APBA2: variants seen among roughly 807,000 people sequenced by gnomAD.
APBA2 encodes the protein amyloid beta precursor protein binding family A member 2, also known as amyloid-beta A4 precursor protein-binding family A member 2.
Under a neutral mutation model 75.0 loss-of-function variants are expected in APBA2, and 30 were observed. The ratio of observed to expected loss-of-function variants is 0.40; its 90% confidence interval spans 0.30 to 0.54. APBA2 has a LOEUF of 0.54. Ranked by LOEUF, APBA2 falls within the 20% of genes least tolerant of loss-of-function variation. APBA2 has a pLI of 0.49. For synonymous variants in APBA2, 444 were observed against 409.6 expected (o/e 1.08, Z -1.01); for missense variants, 801 against 1,016.1 (o/e 0.79, Z 2.88).
chr15:28,914,187 G>C (rs2033562136), intron 1 of APBA2, among the ~76,000 whole-genome samples: 1 of 152,198 alleles, frequency 6.6e-6, no homozygotes, highest in Non-Finnish European at 1.5e-5. Context: ...GCAGTTGAGA[G>C]AGGAGAGGGG....
intron 9 of APBA2, 111 bp downstream of exon 9, chr15:29,098,687 GC>G: frequency 1.1e-6 from 1 of 933,802 alleles, no homozygotes; most frequent in Non-Finnish European, 1.7e-6. Flanking sequence ...TGCTCTCTGC[GC>G]CCATCAACCC....
chr15:29,085,211 C>T (rs777089378), intron 6 of APBA2, among the ~76,000 whole-genome samples: 17 of 152,146 alleles, frequency 1.1e-4, no homozygotes, highest in Admixed American at 2.6e-4. Flanking sequence ...TTGATTTCTT[C>T]TCTTTTTTGA....
intron 3 of APBA2, among the ~76,000 whole-genome samples, chr15:29,037,880 C>G (rs1298689891): frequency 1.3e-5 from 2 of 152,122 alleles, no homozygotes; most frequent in African/African-American, 4.8e-5. Flanking sequence ...GAGCCCTCTC[C>G]CTGGGTAATG....
intron 3 of APBA2, among the ~76,000 whole-genome samples, chr15:29,002,365 G>T (rs2038893523): frequency 1.3e-5 from 2 of 152,134 alleles, no homozygotes; most frequent in Admixed American, 6.5e-5. Context: ...ATACAGTCTA[G>T]GGCTGCTGTG....
chr15:29,067,680 C>A (rs1181067182), intron 4 of APBA2, among the ~76,000 whole-genome samples: 1 of 152,210 alleles, frequency 6.6e-6, no homozygotes, highest in Non-Finnish European at 1.5e-5. Context: ...GCCATCCTCT[C>A]GCCTTTTCCA....
chr15:29,082,233 T>C (rs2152934010), intron 6 of APBA2, among the ~76,000 whole-genome samples: 1 of 152,360 alleles, frequency 6.6e-6, no homozygotes, highest in African/African-American at 2.4e-5. Context: ...CCCAGCTTTA[T>C]TGGCGTATAA....
At chr15:29,097,495 G>T (rs1008509969) in intron 8 of APBA2, among the ~76,000 whole-genome samples, 1 of 152,222 alleles carries the variant, frequency 6.6e-6, no homozygotes, top group Non-Finnish European at 1.5e-5. Context: ...TGGACTCTGG[G>T]TAATTGTTAA....
intron 2 of APBA2, among the ~76,000 whole-genome samples, chr15:28,947,045 C>A (rs527659732): frequency 6.6e-6 from 1 of 152,214 alleles, no homozygotes; most frequent in Non-Finnish European, 1.5e-5. Context: ...TCTCCCATCA[C>A]GGGGCTCTCA....
At chr15:29,013,618 C>A (rs1243803200) in intron 3 of APBA2, among the ~76,000 whole-genome samples, 1 of 148,224 alleles carries the variant, frequency 6.7e-6, no homozygotes, top group Non-Finnish European at 1.5e-5. Flanking sequence ...TCATTTATGC[C>A]CTTAGTCACA....
At chr15:28,948,212 G>A (rs1386203355) in intron 2 of APBA2, among the ~76,000 whole-genome samples, 4 of 152,186 alleles carry the variant, frequency 2.6e-5, no homozygotes, top group African/African-American at 9.7e-5. Flanking sequence ...CAGAGGTTCA[G>A]GGTTTGCTGG....
At chr15:28,999,217 A>G (rs1290631776) in intron 3 of APBA2, among the ~76,000 whole-genome samples, 2 of 152,072 alleles carry the variant, frequency 1.3e-5, no homozygotes, top group Non-Finnish European at 2.9e-5. Flanking sequence ...GATTTTTTCT[A>G]TCTGCTCTTG....
intron 2 of APBA2, among the ~76,000 whole-genome samples, chr15:28,962,455 G>T (rs554000558): frequency 8.2e-4 from 125 of 152,072 alleles, no homozygotes; most frequent in Non-Finnish European, 1.4e-3. Context: ...TGTAGTCCCA[G>T]CTACTCAGGA....
At chr15:28,944,630 G>A (rs111450910) in intron 2 of APBA2, among the ~76,000 whole-genome samples, 73 of 152,348 alleles carry the variant, frequency 4.8e-4, no homozygotes, top group African/African-American at 1.5e-3. Flanking sequence ...ATAACCTGGT[G>A]TGCTGCTCGG....
At chr15:28,989,946 A>C (rs58864893) in intron 2 of APBA2, among the ~76,000 whole-genome samples, 13,463 of 152,230 alleles carry the variant, frequency 0.088, 789 homozygotes, top group East Asian at 0.27. Flanking sequence ...CAAAGCCAGG[A>C]AGGAATTGCA....
chr15:29,098,531 C>T lies in APBA2; in HGVS notation c.1293C>T (p.Leu431=), dbSNP rs775466334. The T allele has an allele frequency of 6.8e-6, 11 of 1,614,048 alleles. No individual in the cohort carries two copies. Among genetic ancestry groups the T allele is most frequent in the African/African-American group, 1.3e-5 (1 of 74,936 alleles). Residue 431 remains leucine (L), a synonymous_variant, in exon 9 of 15, where the codon CTC becomes CTT. Transcript: ENST00000683413. Reference sequence around the variant, plus strand: ...CCCAGACGCTGACGGAAGTGGACCTCTTCATTTCCACCCAGAGGATCAAGG... The same window carrying T: ...CCCAGACGCTGACGGAAGTGGACCTTTTCATTTCCACCCAGAGGATCAAGG... ...GDAQTLTEVD[L]FISTQRIKVL...
Position 29,014,437 on chromosome 15 carries a change from A to G in APBA2, c.-41+18631A>G, listed in dbSNP as rs140422804. Among the ~76,000 whole-genome samples the G allele has an allele frequency of 3.9e-5, 6 of 152,330 alleles. No homozygotes were observed. The East Asian group carries it at 1.2e-3, about 29-fold the overall frequency. On this transcript the variant is annotated intron_variant, in intron 3 of 14. Transcript: ENST00000683413. ...GTGATCCCAAAACAATCCTTTAATA[A>G]ATGCATTTTAGAACTGCACTGTCCA... is the stretch of plus-strand genomic sequence containing the variant.
At chr15:29,072,097 C>T (rs2042647758) in intron 4 of APBA2, among the ~76,000 whole-genome samples, 2 of 152,202 alleles carry the variant, frequency 1.3e-5, no homozygotes, top group South Asian at 4.1e-4. Context: ...GAGAGTCTGT[C>T]GCCCTACATC....
chr15:29,069,175 G>C (rs2152917709), intron 4 of APBA2, among the ~76,000 whole-genome samples: 1 of 152,338 alleles, frequency 6.6e-6, no homozygotes. Flanking sequence ...CCCTGTTGTA[G>C]TGTGTGTCAG....
intron 3 of APBA2, among the ~76,000 whole-genome samples, chr15:29,024,258 A>G (rs1343746894): frequency 2.0e-5 from 3 of 152,232 alleles, no homozygotes; most frequent in Admixed American, 6.5e-5. Flanking sequence ...ATATAAGTTC[A>G]GCGTGCACTT....
Sources: gnomAD v4.1 joint callset for allele counts (sites outside exome capture counted in the v4.1 genomes callset) on GRCh38, gnomAD v4.1.1 for gene constraint, MANE v1.5 for transcripts, NCBI Gene and HGNC (gene_info 2026-07-23, HGNC 2026-07-21) for gene names.